PXDNL: variants seen among roughly 807,000 people sequenced by gnomAD.
The protein encoded by PXDNL is probable oxidoreductase PXDNL.
In PXDNL, 145 loss-of-function variants were observed where a neutral mutation model predicts 150.8. The ratio of observed to expected loss-of-function variants is 0.96; its 90% confidence interval spans 0.84 to 1.10. The LOEUF (loss-of-function observed/expected upper bound fraction) is 1.10, where lower values mean the gene tolerates loss of function less well. Ranked by LOEUF, PXDNL falls within the 50% of genes least tolerant of loss-of-function variation. The probability of loss-of-function intolerance (pLI) is 0.00; values close to 1 mark genes in which losing one functional copy is unlikely to be tolerated. For missense variants in PXDNL, 2,087 were observed against 1,873.9 expected, an observed-to-expected ratio of 1.11 and a Z score of -2.10; for synonymous variants, 757 against 725.7, an observed-to-expected ratio of 1.04 and a Z score of -0.69.
Position 51,547,050 on chromosome 8 carries a change from G to C in PXDNL, c.380+9790C>G, listed in dbSNP as rs117657944. On this transcript the variant is annotated intron_variant, in intron 4 of 22. Transcript: ENST00000356297. ...TGCCCAATCCTGCCCCCACCTGATG[G>C]TTTTCTCTACCTGCCCTTATAGCCA... Among the ~76,000 whole-genome samples the C allele has an allele frequency of 2.8e-4, 42 of 152,232 alleles. No homozygotes were observed. In the East Asian group the frequency reaches 8.1e-3, roughly 29 times the overall value.
At chr8:51,389,797 T>C (rs1194012353) in intron 17 of PXDNL, among the ~76,000 whole-genome samples, 1 of 152,180 alleles carries the variant, frequency 6.6e-6, no homozygotes, top group Non-Finnish European at 1.5e-5. Context: ...TTTACTGAAC[T>C]TATTATTTGC....
At chr8:51,333,298 A>G (rs997690752) in intron 21 of PXDNL, among the ~76,000 whole-genome samples, 1 of 151,664 alleles carries the variant, frequency 6.6e-6, no homozygotes, top group Non-Finnish European at 1.5e-5. Flanking sequence ...TGAATTCACC[A>G]TTACCAAGCC....
chr8:51,661,797 C>T (rs1479859353), intron 1 of PXDNL, among the ~76,000 whole-genome samples: 1 of 151,664 alleles, frequency 6.6e-6, no homozygotes, highest in African/African-American at 2.4e-5. Flanking sequence ...GGAAACTTGT[C>T]TGCAGTTAGT....
intron 2 of PXDNL, among the ~76,000 whole-genome samples, chr8:51,638,528 G>A (rs6992089): frequency 0.39 from 59,176 of 151,466 alleles, 14,276 homozygotes; most frequent in African/African-American, 0.69. Flanking sequence ...AATAGAAAAC[G>A]AAAAAAGGCA....
At chr8:51,744,977 AAAGAAAGAAAGAAAGGGAGGGAG>A (rs2036966016) in intron 1 of PXDNL, among the ~76,000 whole-genome samples, 1 of 37,060 alleles carries the variant, frequency 2.7e-5, no homozygotes, top group Non-Finnish European at 6.1e-5. Context: ...AGAAAGAAAG[AAAGAAAGAAAGAAAGGGAGGGAG>A]GGAAGAAAAG....
At chr8:51,795,492 T>C (rs2037551366) in intron 1 of PXDNL, among the ~76,000 whole-genome samples, 1 of 152,134 alleles carries the variant, frequency 6.6e-6, no homozygotes. Context: ...ATAAAGAAAC[T>C]CATTCAAAAC....
chr8:51,704,872 A>T (rs1349985429), intron 1 of PXDNL, among the ~76,000 whole-genome samples: 1 of 152,054 alleles, frequency 6.6e-6, no homozygotes, highest in Non-Finnish European at 1.5e-5. Context: ...GATCTTAATC[A>T]TTAGTCTGAT....
At chr8:51,700,773 C>T (rs1291426201) in intron 1 of PXDNL, among the ~76,000 whole-genome samples, 1 of 151,894 alleles carries the variant, frequency 6.6e-6, no homozygotes, top group Non-Finnish European at 1.5e-5. Flanking sequence ...CACATATACA[C>T]ACATACACAC....
At chr8:51,462,538 G>A (rs1708065350) in intron 8 of PXDNL, among the ~76,000 whole-genome samples, 1 of 152,096 alleles carries the variant, frequency 6.6e-6, no homozygotes, top group African/African-American at 2.4e-5. Context: ...ACCAAGCTGA[G>A]GCAAGAATCT....
At chr8:51,439,989 C>T (rs928014422) in intron 12 of PXDNL, among the ~76,000 whole-genome samples, 2 of 151,492 alleles carry the variant, frequency 1.3e-5, no homozygotes, top group African/African-American at 4.9e-5. Flanking sequence ...TGAAACCAGC[C>T]CAAATGCCCA....
Position 51,526,869 on chromosome 8 carries a change from C to T in PXDNL, c.381-27099G>A, listed in dbSNP as rs529238708. Among the ~76,000 whole-genome samples, 8 of 152,248 alleles carry T rather than the reference C, an allele frequency of 5.3e-5. No homozygotes were observed. The South Asian group carries it at 1.0e-3, about 20-fold the overall frequency. On this transcript the variant is annotated intron_variant, in intron 4 of 22. Transcript: ENST00000356297. Reference sequence around the variant, plus strand: ...TACCAGACATCTCCACCTGGGTGTCCGGCAGGCACTTTCACATTGGCACAG... The same window carrying T: ...TACCAGACATCTCCACCTGGGTGTCTGGCAGGCACTTTCACATTGGCACAG...
At chr8:51,446,736 T>A (rs186402303) in intron 12 of PXDNL, among the ~76,000 whole-genome samples, 4 of 152,148 alleles carry the variant, frequency 2.6e-5, no homozygotes, top group African/African-American at 9.7e-5. Flanking sequence ...TAATTAATCA[T>A]AGTAATTGTA....
At chr8:51,572,801 AAC>A (rs202137268) in intron 3 of PXDNL, among the ~76,000 whole-genome samples, 9 of 151,906 alleles carry the variant, frequency 5.9e-5, no homozygotes, top group South Asian at 4.1e-4. Flanking sequence ...TTTTTTTAAA[AAC>A]ACACACACAC....
chr8:51,622,236 G>T (rs1234686285), intron 2 of PXDNL, among the ~76,000 whole-genome samples: 1 of 152,102 alleles, frequency 6.6e-6, no homozygotes, highest in East Asian at 1.9e-4. Context: ...ACAATTCCAG[G>T]AACTGAACCC....
Position 51,608,043 on chromosome 8 carries a change from A to AAGAC in PXDNL, c.237-15346_237-15345insGTCT, listed in dbSNP as rs1215816039. 3.9e-5 allele frequency among the ~76,000 whole-genome samples: 5 copies of AAGAC among 127,468 alleles called. No homozygotes were observed. The South Asian group carries it at 1.2e-3, about 31-fold the overall frequency. 83.6% of individuals were successfully genotyped at this position (127,468 alleles called of 152,430 possible). On this transcript the variant is annotated intron_variant, in intron 2 of 22. Transcript: ENST00000356297. The stretch of plus-strand genomic sequence containing the variant: ...AAAGAAAGAAAGAAAGAAAGAAAGA[A>AAGAC]AGAAAGAAAGAAAGCAAGCAAGCAA...
intron 9 of PXDNL, among the ~76,000 whole-genome samples, chr8:51,454,648 A>AG (rs1809886690): frequency 1.3e-5 from 2 of 152,222 alleles, no homozygotes; most frequent in South Asian, 4.1e-4. Flanking sequence ...AGTTTGGGGA[A>AG]GGGGGATCAA....
chr8:51,739,570 T>G (rs1163303791), intron 1 of PXDNL, among the ~76,000 whole-genome samples: 2 of 152,118 alleles, frequency 1.3e-5, no homozygotes, highest in Non-Finnish European at 2.9e-5. Flanking sequence ...TCAGCAAGAT[T>G]GCAGGATATA....
chr8:51,352,708 A>G (rs370541807), intron 19 of PXDNL, among the ~76,000 whole-genome samples: 19 of 152,266 alleles, frequency 1.2e-4, no homozygotes, highest in African/African-American at 4.6e-4. Context: ...TAAATTATCC[A>G]ATCTCAGGTA....
chr8:51,418,170 C>T lies in PXDNL; in HGVS notation c.1796-4912G>A, dbSNP rs146452215. Among the ~76,000 whole-genome samples, 5 of 152,118 alleles carry T rather than the reference C, an allele frequency of 3.3e-5. No individual in the cohort carries two copies. In the South Asian group the frequency reaches 6.2e-4, roughly 19 times the overall value. ...TTAACATAAAGCTAATACAAACATA[C>T]GTGTATGTATACTAGGTAGATGCTG... is the stretch of plus-strand genomic sequence containing the variant. On this transcript the variant is annotated intron_variant, in intron 14 of 22. Transcript: ENST00000356297.
Sources: gnomAD v4.1 joint callset for allele counts (sites outside exome capture counted in the v4.1 genomes callset) on GRCh38, gnomAD v4.1.1 for gene constraint, MANE v1.5 for transcripts, NCBI Gene and HGNC (gene_info 2026-07-23, HGNC 2026-07-21) for gene names.